The following RGS6 variants were observed in gnomAD, a reference collection of about 807,000 sequenced individuals.
The protein encoded by RGS6 is regulator of G protein signaling 6, also known as regulator of G-protein signaling 6.
A neutral mutation model predicts 78.5 loss-of-function variants in RGS6; 30 were observed. That is an observed-to-expected ratio of 0.38 (90% CI 0.29 to 0.52). The LOEUF is 0.52. RGS6 is among the 20% of genes least tolerant of loss of function. The pLI is 0.85. For synonymous variants in RGS6, 206 were observed against 206.0 expected, an observed-to-expected ratio of 1.00 and a Z score of 0.00; for missense variants, 495 against 609.7, an observed-to-expected ratio of 0.81 and a Z score of 1.98.
At chr14:72,580,891 G>C in the RGS6 span, among the ~76,000 whole-genome samples, 1 of 152,192 alleles carries the variant, frequency 6.6e-6, no homozygotes, top group Admixed American at 6.5e-5. Context: ...CTGCCTTATG[G>C]GAGCAAGAAC....
At chr14:72,392,928 A>T (rs2090367508) in intron 3 of RGS6, among the ~76,000 whole-genome samples, 1 of 152,186 alleles carries the variant, frequency 6.6e-6, no homozygotes, top group Admixed American at 6.5e-5. Flanking sequence ...AGCTAATAAC[A>T]TTACAAGGCC....
chr14:72,461,021 C>T (rs777177960), intron 6 of RGS6, among the ~76,000 whole-genome samples: 2 of 152,104 alleles, frequency 1.3e-5, no homozygotes, highest in African/African-American at 2.4e-5. Flanking sequence ...TGGCTATCCA[C>T]AGGCACCACT....
intron 4 of RGS6, among the ~76,000 whole-genome samples, chr14:72,456,660 G>T (rs2095639035): frequency 6.6e-6 from 1 of 152,146 alleles, no homozygotes; most frequent in South Asian, 2.1e-4. Flanking sequence ...TTAGCTCCAA[G>T]ACTGGTGGCA....
In RGS6 at chr14:72,452,010, A is replaced by C. The variant is rs545572686; in HGVS notation, c.185-2518A>C. Among the ~76,000 whole-genome samples, 9 of 152,274 alleles carry C rather than the reference A, an allele frequency of 5.9e-5. No homozygotes were observed. In the South Asian group the frequency reaches 1.9e-3, roughly 32 times the overall value. ...CGTGATCCACCCTCCTCGGTCTCCAAAAGTGTTGGGATTATAGGCATGAGC... is the reference window on the plus strand; with the variant it reads ...CGTGATCCACCCTCCTCGGTCTCCACAAGTGTTGGGATTATAGGCATGAGC... On this transcript the variant is annotated intron_variant, in intron 3 of 17. Coordinates refer to ENST00000553525, the MANE Select transcript of RGS6 (RefSeq NM_001204424.2).
intron 2 of RGS6, among the ~76,000 whole-genome samples, chr14:72,206,648 A>T (rs548830328): frequency 3.3e-5 from 5 of 152,288 alleles, no homozygotes; most frequent in African/African-American, 1.2e-4. Context: ...CAGCAGGCAG[A>T]AAAAGAGAGT....
At chr14:71,873,868 A>C in the RGS6 span, among the ~76,000 whole-genome samples, 1 of 152,218 alleles carries the variant, frequency 6.6e-6, no homozygotes, top group Non-Finnish European at 1.5e-5. Flanking sequence ...ATGGCTAGCC[A>C]GTTTTCCCAG....
At chr14:72,022,881 A>C (rs551937559) in intron 2 of RGS6, among the ~76,000 whole-genome samples, 4 of 152,340 alleles carry the variant, frequency 2.6e-5, no homozygotes, top group Admixed American at 2.6e-4. Context: ...ACTCAAATGT[A>C]TCATGGAGGT....
chr14:72,556,338 T>A (rs184605938), intron 17 of RGS6, among the ~76,000 whole-genome samples: 1 of 151,958 alleles, frequency 6.6e-6, no homozygotes, highest in East Asian at 1.9e-4. Flanking sequence ...AACCATCGGA[T>A]CTCATGAGAA....
chr14:72,333,577 A>G (rs1443092395), intron 2 of RGS6, among the ~76,000 whole-genome samples: 1 of 152,186 alleles, frequency 6.6e-6, no homozygotes, highest in African/African-American at 2.4e-5. Context: ...TGTCAGAATC[A>G]CATTTCTCCC....
chr14:72,069,305 T>A lies in RGS6; in HGVS notation c.84+104430T>A, dbSNP rs2094313261. Among the ~76,000 whole-genome samples, 5 of 152,250 alleles carry A rather than the reference T, an allele frequency of 3.3e-5. No individual in the cohort carries two copies. The South Asian group carries it at 1.0e-3, about 32-fold the overall frequency. Reference sequence around the variant, plus strand: ...TTTTAGGTTGATATTTTTTTTCTCATCCTATTCCTTCCTCTGCTAGTTTGT... The same window carrying A: ...TTTTAGGTTGATATTTTTTTTCTCAACCTATTCCTTCCTCTGCTAGTTTGT... On this transcript the variant is annotated intron_variant, in intron 2 of 17. Coordinates refer to ENST00000553525, the MANE Select transcript of RGS6 (RefSeq NM_001204424.2).
At chr14:72,051,006 G>GT (rs1299032329) in intron 2 of RGS6, among the ~76,000 whole-genome samples, 1 of 152,048 alleles carries the variant, frequency 6.6e-6, no homozygotes, top group Admixed American at 6.6e-5. Context: ...AATTTCTGGG[G>GT]TTTTTTGTTT....
intron 2 of RGS6, among the ~76,000 whole-genome samples, chr14:72,339,623 A>G (rs1462156163): frequency 6.6e-6 from 1 of 152,122 alleles, no homozygotes; most frequent in African/African-American, 2.4e-5. Context: ...TTTTTGGTGC[A>G]GGAACACCAT....
At chr14:72,079,677 C>G (rs2094736634) in intron 2 of RGS6, among the ~76,000 whole-genome samples, 1 of 152,116 alleles carries the variant, frequency 6.6e-6, no homozygotes, top group African/African-American at 2.4e-5. Flanking sequence ...GTCCTTTACC[C>G]AACATCTCCT....
At chr14:72,261,338 A>G (rs1476089991) in intron 2 of RGS6, among the ~76,000 whole-genome samples, 2 of 152,308 alleles carry the variant, frequency 1.3e-5, no homozygotes, top group East Asian at 3.9e-4. Context: ...AAAGCAGAGG[A>G]GGAGGGTAAA....
At chr14:72,528,761 C>A (rs187260196) in intron 15 of RGS6, among the ~76,000 whole-genome samples, 1 of 152,170 alleles carries the variant, frequency 6.6e-6, no homozygotes, top group Admixed American at 6.5e-5. Flanking sequence ...TTTTCTCCAT[C>A]CCCTTAGGAA....
At chr14:72,562,351 G>T in intron 17 of RGS6, 66 bp from the exon 18 acceptor site, 1 of 1,507,380 alleles carries the variant, frequency 6.6e-7, no homozygotes, top group Non-Finnish European at 9.2e-7. Context: ...TCACCTGTCT[G>T]GCTCTCTGTC....
chr14:72,380,867 C>A (rs998953576), intron 3 of RGS6, among the ~76,000 whole-genome samples: 30 of 152,200 alleles, frequency 2.0e-4, no homozygotes, highest in Middle Eastern at 3.4e-3. Context: ...GACATCTACA[C>A]CCCCATGCTT....
the RGS6 span, among the ~76,000 whole-genome samples, chr14:72,582,114 C>A: frequency 7.2e-5 from 11 of 152,170 alleles, no homozygotes; most frequent in African/African-American, 2.4e-4. Flanking sequence ...GAACCCACTA[C>A]CAGGAGAAAG....
chr14:72,178,332 C>T (rs564202987), intron 2 of RGS6, among the ~76,000 whole-genome samples: 1 of 152,294 alleles, frequency 6.6e-6, no homozygotes, highest in East Asian at 1.9e-4. Context: ...ACCAAAGAAC[C>T]CAGCCTTCTG....
Sources: gnomAD v4.1 joint callset for allele counts (sites outside exome capture counted in the v4.1 genomes callset) on GRCh38, gnomAD v4.1.1 for gene constraint, MANE v1.5 for transcripts, NCBI Gene and HGNC (gene_info 2026-07-23, HGNC 2026-07-21) for gene names.